The following MED13L variants were observed in gnomAD, a reference collection of about 807,000 sequenced individuals.
The protein encoded by MED13L is mediator of RNA polymerase II transcription subunit 13-like.
A neutral mutation model predicts 220.9 loss-of-function variants in MED13L; 7 were observed. That is an observed-to-expected ratio of 0.03 (90% CI 0.02 to 0.06). The LOEUF (loss-of-function observed/expected upper bound fraction) is 0.06, where lower values mean the gene tolerates loss of function less well. Among genes scored for constraint, MED13L ranks in the 10% least tolerant of loss-of-function variants. The pLI is 1.00. For synonymous variants in MED13L, 1,011 were observed against 1,015.2 expected, an observed-to-expected ratio of 1.00 and a Z score of 0.08; for missense variants, 1,965 against 2,760.5, an observed-to-expected ratio of 0.71 and a Z score of 6.46.
intron 4 of MED13L, among the ~76,000 whole-genome samples, chr12:116,073,360 C>T (rs1490438441): frequency 6.6e-6 from 1 of 152,132 alleles, no homozygotes; most frequent in Non-Finnish European, 1.5e-5. Flanking sequence ...TTCCAACATG[C>T]TAGCTCTCTT....
At chr12:116,116,467 T>C (rs1874529053) in intron 2 of MED13L, among the ~76,000 whole-genome samples, 2 of 152,122 alleles carry the variant, frequency 1.3e-5, no homozygotes, top group African/African-American at 4.8e-5. Flanking sequence ...CTACATAACC[T>C]GCCCTATGCA....
intron 2 of MED13L, among the ~76,000 whole-genome samples, chr12:116,113,316 T>C (rs1302946806): frequency 6.6e-6 from 1 of 151,930 alleles, no homozygotes; most frequent in Non-Finnish European, 1.5e-5. Flanking sequence ...TGTTTAAAAC[T>C]TCTGATATTA....
chr12:116,026,473 AT>A (rs1431958836), intron 4 of MED13L, among the ~76,000 whole-genome samples: 1 of 152,208 alleles, frequency 6.6e-6, no homozygotes, highest in Non-Finnish European at 1.5e-5. Context: ...AAGTTATTTC[AT>A]CACTCTGATC....
At chr12:116,157,715 T>C (rs1356506173) in intron 2 of MED13L, among the ~76,000 whole-genome samples, 5 of 152,268 alleles carry the variant, frequency 3.3e-5, no homozygotes, top group East Asian at 1.9e-4. Context: ...TTTAGTCTTA[T>C]AATGCAAACA....
intron 4 of MED13L, among the ~76,000 whole-genome samples, chr12:116,053,941 G>C (rs1868725612): frequency 6.6e-6 from 1 of 152,228 alleles, no homozygotes; most frequent in East Asian, 1.9e-4. Flanking sequence ...GGGTCACAGA[G>C]GCAAAGGTCC....
intron 2 of MED13L, among the ~76,000 whole-genome samples, chr12:116,121,243 A>G (rs904525426): frequency 6.6e-6 from 1 of 152,188 alleles, no homozygotes; most frequent in Admixed American, 6.5e-5. Context: ...TTTAAATAGT[A>G]GTAATTACTG....
chr12:116,067,610 C>A (rs1215329624), intron 4 of MED13L, among the ~76,000 whole-genome samples: 1 of 152,064 alleles, frequency 6.6e-6, no homozygotes, highest in African/African-American at 2.4e-5. Flanking sequence ...AAGCATGAAA[C>A]AAATATTTCT....
At chr12:115,990,087 G>A (rs944580030) in intron 17 of MED13L, among the ~76,000 whole-genome samples, 6 of 152,090 alleles carry the variant, frequency 3.9e-5, no homozygotes, top group Admixed American at 6.5e-5. Context: ...CTAACCTCGC[G>A]TCAGTTTCTA....
chr12:116,084,920 A>G (rs796261740), intron 4 of MED13L, among the ~76,000 whole-genome samples: 32 of 152,268 alleles, frequency 2.1e-4, no homozygotes, highest in African/African-American at 7.7e-4. Flanking sequence ...CTATATATGT[A>G]GTCATTTTTT....
At chr12:116,174,379 A>C (rs1879894489) in intron 2 of MED13L, 1 of 152,210 alleles carries the variant, frequency 6.6e-6, no homozygotes, top group South Asian at 2.1e-4. Flanking sequence ...TAATAGGTAG[A>C]GAGACACTGA....
chr12:116,236,378 T>TA (rs1176393053), intron 2 of MED13L, among the ~76,000 whole-genome samples: 1 of 151,710 alleles, frequency 6.6e-6, no homozygotes, highest in Non-Finnish European at 1.5e-5. Flanking sequence ...ATATCACAGA[T>TA]AAAAAATGGC....
intron 1 of MED13L, among the ~76,000 whole-genome samples, chr12:116,251,715 C>A (rs1234666478): frequency 2.0e-5 from 3 of 150,600 alleles, no homozygotes; most frequent in African/African-American, 7.3e-5. Flanking sequence ...GAGCCAAGAT[C>A]GCGCCACAGC....
intron 2 of MED13L, among the ~76,000 whole-genome samples, chr12:116,189,926 TG>T (rs1468386371): frequency 6.6e-6 from 1 of 152,202 alleles, no homozygotes; most frequent in Non-Finnish European, 1.5e-5. Context: ...TAGTTCTAGA[TG>T]TTTTTTTGGG....
At chr12:116,227,898 G>A (rs1869161908) in intron 2 of MED13L, among the ~76,000 whole-genome samples, 1 of 152,020 alleles carries the variant, frequency 6.6e-6, no homozygotes, top group Admixed American at 6.6e-5. Context: ...TTTGAGCCAA[G>A]AAGCCAAGCT....
intron 6 of MED13L, 39 bp downstream of exon 6, chr12:116,019,739 A>C: frequency 6.4e-7 from 1 of 1,551,226 alleles, no homozygotes; most frequent in Non-Finnish European, 8.9e-7. Flanking sequence ...AGGAAGAGGA[A>C]GAAGAATAAA....
rs1395226937 is a variant in MED13L at position 115,959,271 on chromosome 12, G to C, written c.*1995C>G. 1 of 152,040 alleles carries C rather than the reference G, an allele frequency of 6.6e-6. No homozygotes were observed. The highest frequency in any genetic ancestry group is 1.5e-5 in the Non-Finnish European group (1 of 67,960). 9.4% of individuals were successfully genotyped at this position (152,040 alleles called of 1,614,324 possible). A position where few individuals can be genotyped will look rare whatever the true frequency, so the allele number is the denominator to read the frequency against. On this transcript the variant is annotated 3_prime_UTR_variant, in exon 31 of 31. Coordinates refer to ENST00000281928, the MANE Select transcript of MED13L (RefSeq NM_015335.5). ...CACCAGATGAAAACTACCCTTTGCTGCCATTTTTTTTAAAGTTTTTTTGTA... is the reference window on the plus strand; with the variant it reads ...CACCAGATGAAAACTACCCTTTGCTCCCATTTTTTTTAAAGTTTTTTTGTA...
At chr12:116,113,751 AAGGGGAGGGAGGGGTAAGAGGGAG>A (rs1410176075) in intron 2 of MED13L, among the ~76,000 whole-genome samples, 1 of 59,878 alleles carries the variant, frequency 1.7e-5, no homozygotes, top group Non-Finnish European at 3.3e-5. Flanking sequence ...GGAAGAGGGA[AAGGGGAGGGAGGGGTAAGAGGGAG>A]AGGGGAGGGA....
intron 2 of MED13L, among the ~76,000 whole-genome samples, chr12:116,121,553 G>A (rs890861783): frequency 6.6e-6 from 1 of 152,292 alleles, no homozygotes; most frequent in East Asian, 1.9e-4. Flanking sequence ...GGGTAGGGAG[G>A]AGCATAAAGA....
chr12:116,195,394 A>G (rs1238099833), intron 2 of MED13L, among the ~76,000 whole-genome samples: 3 of 152,202 alleles, frequency 2.0e-5, no homozygotes, highest in Non-Finnish European at 4.4e-5. Context: ...AAACACAGCA[A>G]CTGAAATACA....
Sources: allele counts gnomAD v4.1 joint callset (sites outside exome capture counted in the v4.1 genomes callset), GRCh38; gene constraint gnomAD v4.1.1; transcripts MANE v1.5; gene names NCBI Gene and HGNC (gene_info 2026-07-23, HGNC 2026-07-21).